The following VMP1 variants were observed in gnomAD, a reference collection of about 807,000 sequenced individuals.
VMP1 encodes vacuole membrane protein 1.
VMP1 carries 11 observed loss-of-function variants against 56.0 expected under a neutral mutation model. The ratio of observed to expected loss-of-function variants is 0.20; its 90% CI spans 0.12 to 0.32. The LOEUF is 0.32. Among genes scored for constraint, VMP1 ranks in the 10% least tolerant of loss-of-function variants. VMP1 has a pLI of 1.00. For synonymous variants in VMP1, 149 were observed against 165.0 expected (o/e 0.90, Z 0.74); for missense variants, 296 against 490.3 (o/e 0.60, Z 3.74).
At chr17:59,808,217 G>T (rs1201591864) in intron 7 of VMP1, among the ~76,000 whole-genome samples, 1 of 152,144 alleles carries the variant, frequency 6.6e-6, no homozygotes, top group Non-Finnish European at 1.5e-5. Context: ...CTGCAGTTTT[G>T]TGGTCTATAG....
At chr17:59,762,791 C>A (rs898549678) in intron 5 of VMP1, among the ~76,000 whole-genome samples, 1 of 152,090 alleles carries the variant, frequency 6.6e-6, no homozygotes, top group African/African-American at 2.4e-5. Flanking sequence ...ATTCTCAAAT[C>A]AGATTGTTGA....
intron 10 of VMP1, among the ~76,000 whole-genome samples, chr17:59,832,113 T>A (rs2038827814): frequency 6.6e-6 from 1 of 151,126 alleles, no homozygotes; most frequent in Non-Finnish European, 1.5e-5. Flanking sequence ...ATGAAGATAC[T>A]ACTACCCACT....
intron 10 of VMP1, among the ~76,000 whole-genome samples, chr17:59,819,029 A>G (rs758665712): frequency 6.6e-6 from 1 of 152,058 alleles, no homozygotes; most frequent in Non-Finnish European, 1.5e-5. Context: ...ATTCTTTTCT[A>G]TGTATTGTAA....
At chr17:59,736,211 T>A (rs1335276930) in intron 3 of VMP1, among the ~76,000 whole-genome samples, 2 of 151,640 alleles carry the variant, frequency 1.3e-5, no homozygotes, top group Admixed American at 6.6e-5. Flanking sequence ...ATTCGAGACC[T>A]GGCCAACATG....
intron 5 of VMP1, among the ~76,000 whole-genome samples, chr17:59,749,859 C>T (rs2035574906): frequency 6.6e-6 from 1 of 152,068 alleles, no homozygotes; most frequent in African/African-American, 2.4e-5. Flanking sequence ...GTGGCCCAGC[C>T]CGTCTACCCA....
intron 6 of VMP1, 51 bp from the exon 7 acceptor site, chr17:59,773,703 G>A: frequency 1.3e-6 from 2 of 1,524,456 alleles, no homozygotes; most frequent in Non-Finnish European, 1.8e-6. Flanking sequence ...TCTATTAAGT[G>A]TCACTGTTGA....
At chr17:59,762,898 T>A (rs891107926) in intron 5 of VMP1, among the ~76,000 whole-genome samples, 1 of 152,198 alleles carries the variant, frequency 6.6e-6, no homozygotes, top group African/African-American at 2.4e-5. Flanking sequence ...TTTTTTATAT[T>A]TCTGGAATGC....
chr17:59,711,241 G>A (rs1426519820), intron 1 of VMP1, among the ~76,000 whole-genome samples: 1 of 151,566 alleles, frequency 6.6e-6, no homozygotes, highest in Non-Finnish European at 1.5e-5. Context: ...TGGGTAAATA[G>A]CCATTGTAGA....
intron 10 of VMP1, among the ~76,000 whole-genome samples, chr17:59,818,344 G>A (rs1162384178): frequency 6.6e-6 from 1 of 152,066 alleles, no homozygotes; most frequent in African/African-American, 2.4e-5. Context: ...TCCAGCCTGG[G>A]TGACAGAGCA....
At chr17:59,764,148 G>A (rs139513195) in intron 5 of VMP1, among the ~76,000 whole-genome samples, 1 of 152,252 alleles carries the variant, frequency 6.6e-6, no homozygotes, top group East Asian at 1.9e-4. Flanking sequence ...AAGTAAGGAC[G>A]TAAAGTGATA....
Position 59,765,063 on chromosome 17 carries a change from A to G in VMP1, c.507A>G (p.Pro169=). The G allele has an allele frequency of 6.2e-7, 1 of 1,614,150 alleles. No individual in the cohort carries two copies. The highest frequency in any genetic ancestry group is 8.5e-7 in the Non-Finnish European group (1 of 1,179,998). ...EPPYPDQIIC[P]DEEGTEGTIS... is the part of the protein sequence containing the mutation. ...CCTATCCTGATCAGATTATTTGTCC[A>G]GATGAAGAGGGCACTGAAGGAACCA... The change falls in exon 6 of 12, where the codon CCA becomes CCG. Residue 169 remains proline (P), a synonymous_variant. Transcript: ENST00000262291.
chr17:59,832,936 C>T (rs2144329774), intron 10 of VMP1, among the ~76,000 whole-genome samples: 1 of 151,938 alleles, frequency 6.6e-6, no homozygotes, highest in African/African-American at 2.4e-5. Context: ...TGAATTTAAT[C>T]AGAGCTTAAG....
In VMP1 at chr17:59,840,685, TC is replaced by T. The variant is rs2144366083; in HGVS notation, c.*775del. 1 of 152,646 alleles carries T rather than the reference TC, an allele frequency of 6.6e-6. No homozygotes were observed. The highest frequency in any genetic ancestry group is 2.1e-4 in the South Asian group (1 of 4,832). The allele number at this position is 152,646 out of a possible 1,614,324, so 9.5% of individuals were successfully genotyped here. A position where few individuals can be genotyped will look rare whatever the true frequency, so the allele number is the denominator to read the frequency against. On this transcript the variant is annotated 3_prime_UTR_variant, in exon 12 of 12. Transcript: ENST00000262291. ...GCCTAATCCACCTACAACAAGAATT[TC>T]TTAAGCTTTCTTTTATTTGCATGAG...
chr17:59,714,233 C>T (rs914634840), intron 1 of VMP1, among the ~76,000 whole-genome samples: 1 of 151,858 alleles, frequency 6.6e-6, no homozygotes, highest in Non-Finnish European at 1.5e-5. Flanking sequence ...TGCAGAGTGC[C>T]GAGAGTATCA....
intron 10 of VMP1, among the ~76,000 whole-genome samples, chr17:59,821,539 CTTTT>C (rs530907168): frequency 9.6e-6 from 1 of 104,678 alleles, no homozygotes; most frequent in Non-Finnish European, 1.9e-5. Flanking sequence ...AGCTACTTTT[CTTTT>C]TTTTTTTTTT....
chr17:59,809,771 AC>A (rs1390729756), intron 8 of VMP1, among the ~76,000 whole-genome samples: 1 of 151,784 alleles, frequency 6.6e-6, no homozygotes, highest in Non-Finnish European at 1.5e-5. Context: ...CTCCCAAAGT[AC>A]TGGGATTACA....
At chr17:59,812,457 A>G (rs2038084356) in intron 9 of VMP1, among the ~76,000 whole-genome samples, 1 of 152,180 alleles carries the variant, frequency 6.6e-6, no homozygotes, top group African/African-American at 2.4e-5. Flanking sequence ...ACATATATGA[A>G]TAGAGAGGAG....
intron 9 of VMP1, among the ~76,000 whole-genome samples, chr17:59,816,893 C>G (rs2038253001): frequency 6.7e-6 from 1 of 148,176 alleles, no homozygotes; most frequent in Admixed American, 6.8e-5. Context: ...TTGTAGTGAG[C>G]CAAGATGGCG....
At chr17:59,796,639 A>C (rs909754518) in intron 7 of VMP1, among the ~76,000 whole-genome samples, 2 of 152,198 alleles carry the variant, frequency 1.3e-5, no homozygotes, top group Non-Finnish European at 2.9e-5. Context: ...AGTAACTTTC[A>C]AAATGTTATA....
Sources: gnomAD v4.1 joint callset for allele counts (sites outside exome capture counted in the v4.1 genomes callset) on GRCh38, gnomAD v4.1.1 for gene constraint, MANE v1.5 for transcripts, NCBI Gene and HGNC (gene_info 2026-07-23, HGNC 2026-07-21) for gene names.